TEX11: variants seen among roughly 807,000 people sequenced by gnomAD.
TEX11 encodes the protein testis expressed 11, also known as testis-expressed protein 11.
TEX11 carries 7 observed loss-of-function variants against 84.4 expected under a neutral mutation model. The observed-to-expected ratio is 0.08, with a 90% confidence interval of 0.05 to 0.16. TEX11 has a LOEUF of 0.16. Among genes scored for constraint, TEX11 ranks in the 10% least tolerant of loss-of-function variants. The pLI, the probability that TEX11 is intolerant of heterozygous loss-of-function variation, is 1.00. For synonymous variants in TEX11, 264 were observed against 222.8 expected (o/e 1.18, Z -1.64); for missense variants, 551 against 660.5 (o/e 0.83, Z 1.82).
intron 7 of TEX11, among the ~76,000 whole-genome samples, chrX:70,842,647 G>A (rs1457058887): frequency 9.0e-6 from 1 of 111,640 alleles, no homozygotes; most frequent in Non-Finnish European, 1.9e-5. Flanking sequence ...TTAGGCAGGA[G>A]AAGGAAATAA....
intron 9 of TEX11, among the ~76,000 whole-genome samples, chrX:70,771,123 C>A (rs1254299242): frequency 1.8e-5 from 2 of 111,975 alleles, no homozygotes; most frequent in Non-Finnish European, 3.8e-5. Flanking sequence ...AAACTGTAAC[C>A]ATAAAAGAAG....
intron 25 of TEX11, among the ~76,000 whole-genome samples, chrX:70,581,079 G>A (rs1381801690): frequency 9.1e-6 from 1 of 110,066 alleles, no homozygotes; most frequent in Non-Finnish European, 1.9e-5. Flanking sequence ...ATGGCTCACT[G>A]CAGCCACAGC....
At chrX:70,781,406 TCTC>T (rs2091038269) in intron 9 of TEX11, among the ~76,000 whole-genome samples, 1 of 111,681 alleles carries the variant, frequency 9.0e-6, no homozygotes, top group Non-Finnish European at 1.9e-5. Context: ...GAGAGCCTCT[TCTC>T]CTCCAAAGGA....
chrX:70,650,494 A>T (rs2089798391), intron 17 of TEX11, among the ~76,000 whole-genome samples: 1 of 111,975 alleles, frequency 8.9e-6, no homozygotes, highest in African/African-American at 3.2e-5. Context: ...AACACAGTAT[A>T]TCAAGTAAAA....
intron 3 of TEX11, among the ~76,000 whole-genome samples, chrX:70,874,359 T>A (rs2091644547): frequency 9.2e-6 from 1 of 108,430 alleles, no homozygotes; most frequent in South Asian, 4.2e-4. Flanking sequence ...CATCACATAG[T>A]ATCCTCAATG....
At chrX:70,697,337 T>C (rs1432861556) in intron 13 of TEX11, among the ~76,000 whole-genome samples, 1 of 111,994 alleles carries the variant, frequency 8.9e-6, no homozygotes, top group Non-Finnish European at 1.9e-5. Context: ...GACATTATTC[T>C]GCTTGTCACT....
intron 28 of TEX11, among the ~76,000 whole-genome samples, chrX:70,550,843 G>A (rs1221152162): frequency 2.7e-5 from 3 of 111,531 alleles, no homozygotes; most frequent in African/African-American, 9.8e-5. Flanking sequence ...ACAGTTCGGA[G>A]GTTCCTCAAA....
At chrX:70,539,038 A>ATATATATATATATATATATATATAT in intron 28 of TEX11, among the ~76,000 whole-genome samples, 2 of 41,245 alleles carry the variant, frequency 4.8e-5, no homozygotes, top group Admixed American at 1.1e-3. Context: ...ATATATATAT[A>ATATATATATATATATATATATATAT]TTTTTTTTTT....
At position 70,574,123 on chromosome X, in the gene TEX11, T is replaced by C. The variant is rs557757252; in HGVS notation, c.2140+17628A>G. 6.7e-4 allele frequency among the ~76,000 whole-genome samples: 75 copies of C among 112,162 alleles called. No homozygotes were observed. In the South Asian group the frequency reaches 0.028, roughly 42 times the overall value. ...TTAACTCATGTTATAAAATAAATAG[T>C]TTTAAGAAACCAAATCACCAAGATT... On this transcript the variant is annotated intron_variant, in intron 25 of 29. Coordinates refer to ENST00000374333, the MANE Select transcript of TEX11 (RefSeq NM_031276.3).
rs1416547152 is a variant in TEX11 at position 70,624,101 on chromosome X, G to A, written c.1695-95C>T. The A allele has an allele frequency of 1.0e-5, 6 of 594,744 alleles. 1 individual carries two copies. Among genetic ancestry groups the A allele is most frequent in the African/African-American group, 6.9e-5 (3 of 43,344 alleles). 49.0% of individuals were successfully genotyped at this position (594,744 alleles called of 1,213,427 possible). A position where few individuals can be genotyped will look rare whatever the true frequency, so the allele number is the denominator to read the frequency against. On this transcript the variant is annotated intron_variant, in intron 19 of 29. Transcript: ENST00000374333. ...AAGTTACTAACCTTGATTACTCTGG[G>A]AGGGAGAAGTGAGAAAAGAGAGGGT... is the stretch of plus-strand genomic sequence containing the variant.
At chrX:70,750,932 AAATATATATATATAT>A (rs1421174994) in intron 9 of TEX11, among the ~76,000 whole-genome samples, 3 of 38,746 alleles carry the variant, frequency 7.7e-5, no homozygotes, top group Admixed American at 6.3e-4. Flanking sequence ...AAAAAAAAAA[AAATATATATATATAT>A]ATATATATAT....
At chrX:70,566,093 GT>G (rs1392474034) in intron 25 of TEX11, among the ~76,000 whole-genome samples, 1 of 107,611 alleles carries the variant, frequency 9.3e-6, no homozygotes, top group Non-Finnish European at 1.9e-5. Flanking sequence ...GCAGTGGTTT[GT>G]AGTTCTCCTT....
At chrX:70,716,028 A>T (rs1412654482) in intron 13 of TEX11, among the ~76,000 whole-genome samples, 1 of 111,642 alleles carries the variant, frequency 9.0e-6, no homozygotes, top group African/African-American at 3.3e-5. Flanking sequence ...CCTCAGCTGC[A>T]GGTGCATTGG....
At chrX:70,875,465 A>C (rs774349077) in intron 3 of TEX11, among the ~76,000 whole-genome samples, 1 of 108,460 alleles carries the variant, frequency 9.2e-6, no homozygotes, top group South Asian at 4.1e-4. Flanking sequence ...ATGGCCAGAC[A>C]TGGTGGCTCA....
At chrX:70,714,249 T>A (rs1010285169) in intron 13 of TEX11, among the ~76,000 whole-genome samples, 3 of 111,527 alleles carry the variant, frequency 2.7e-5, no homozygotes, top group East Asian at 2.8e-4. Flanking sequence ...GGTGTGGTGC[T>A]GAAAAGAATG....
At chrX:70,895,603 G>T (rs755003703) in intron 2 of TEX11, among the ~76,000 whole-genome samples, 2 of 111,708 alleles carry the variant, frequency 1.8e-5, no homozygotes, top group Non-Finnish European at 3.8e-5. Flanking sequence ...GAGGCATCAC[G>T]CTGTCTTACC....
At chrX:70,848,865 A>G (rs1356175195) in intron 7 of TEX11, among the ~76,000 whole-genome samples, 1 of 111,380 alleles carries the variant, frequency 9.0e-6, no homozygotes, top group African/African-American at 3.3e-5. Flanking sequence ...CAGCTTCTAC[A>G]AGTGGTCCTA....
In TEX11 at chrX:70,760,588, T is replaced by C. The variant is rs181554511; in HGVS notation, c.693-16369A>G. On this transcript the variant is annotated intron_variant, in intron 9 of 29. Transcript: ENST00000374333. ...AAGCTGAAACTGGATCCCTTCCTTA[T>C]AGCTTATAGAAAAATTAACTCAAGA... Among the ~76,000 whole-genome samples, 501 of 111,684 alleles carry C rather than the reference T, an allele frequency of 4.5e-3. 5 individuals are homozygous for C. Among genetic ancestry groups the C allele is most frequent in the Non-Finnish European group, 6.6e-3 (353 of 53,132 alleles).
At chrX:70,570,139 G>A (rs898664754) in intron 25 of TEX11, among the ~76,000 whole-genome samples, 58 of 111,716 alleles carry the variant, frequency 5.2e-4, no homozygotes, top group African/African-American at 6.5e-4. Flanking sequence ...CCTCGCTGCC[G>A]CCTTGCAGTT....
Sources: gnomAD v4.1 joint callset for allele counts (sites outside exome capture counted in the v4.1 genomes callset) on GRCh38, gnomAD v4.1.1 for gene constraint, MANE v1.5 for transcripts, NCBI Gene and HGNC (gene_info 2026-07-23, HGNC 2026-07-21) for gene names.